The following LRRTM3 variants were observed in gnomAD, a reference collection of about 807,000 sequenced individuals.
LRRTM3 encodes the protein leucine rich repeat transmembrane neuronal 3, also known as leucine-rich repeat transmembrane neuronal protein 3.
Under a neutral mutation model 44.7 loss-of-function variants are expected in LRRTM3, and 24 were observed. That is an observed-to-expected ratio of 0.54 (90% CI 0.39 to 0.76). LRRTM3 has a LOEUF of 0.76. Among genes scored for constraint, LRRTM3 ranks in the 30% least tolerant of loss-of-function variants. LRRTM3 has a pLI of 0.00. For missense variants in LRRTM3, 587 were observed against 702.2 expected (o/e 0.84, Z 1.85); for synonymous variants, 277 against 278.7 (o/e 0.99, Z 0.06).
At chr10:67,052,313 A>ACTCT (rs3841706) in intron 2 of LRRTM3, among the ~76,000 whole-genome samples, 5,480 of 120,860 alleles carry the variant, frequency 0.045, 300 homozygotes, top group African/African-American at 0.13. Context: ...CCCACTCATC[A>ACTCT]CTCTCTCTCT....
At chr10:67,079,598 C>T (rs1388967482) in intron 2 of LRRTM3, among the ~76,000 whole-genome samples, 1 of 151,928 alleles carries the variant, frequency 6.6e-6, no homozygotes, top group African/African-American at 2.4e-5. Flanking sequence ...GCCTGTAATC[C>T]CAGCATGTTG....
At chr10:66,999,792 A>T (rs1337369090) in intron 2 of LRRTM3, among the ~76,000 whole-genome samples, 2 of 152,182 alleles carry the variant, frequency 1.3e-5, no homozygotes, top group Non-Finnish European at 2.9e-5. Context: ...TCACTGACAG[A>T]TTACTTGACC....
chr10:66,999,239 G>A (rs1241423772), intron 2 of LRRTM3, among the ~76,000 whole-genome samples: 2 of 151,882 alleles, frequency 1.3e-5, no homozygotes, highest in Non-Finnish European at 2.9e-5. Flanking sequence ...TGCATTAAAA[G>A]GTATCAGTTA....
At chr10:67,008,802 G>C (rs1328272930) in intron 2 of LRRTM3, among the ~76,000 whole-genome samples, 1 of 152,174 alleles carries the variant, frequency 6.6e-6, no homozygotes, top group Non-Finnish European at 1.5e-5. Flanking sequence ...GAAGGCCCCA[G>C]TGCATAAGAA....
chr10:66,950,955 T>C (rs1020031062), intron 2 of LRRTM3, among the ~76,000 whole-genome samples: 10 of 152,162 alleles, frequency 6.6e-5, no homozygotes, highest in African/African-American at 2.4e-4. Flanking sequence ...CTTGTCACTG[T>C]GCAGAAACTC....
At chr10:66,985,915 A>G (rs534580329) in intron 2 of LRRTM3, among the ~76,000 whole-genome samples, 1 of 152,066 alleles carries the variant, frequency 6.6e-6, no homozygotes, top group Admixed American at 6.5e-5. Context: ...TTTAGTAGAG[A>G]CAGGGTTTCA....
intron 2 of LRRTM3, among the ~76,000 whole-genome samples, chr10:67,017,072 T>C (rs980675440): frequency 3.3e-5 from 5 of 152,198 alleles, no homozygotes; most frequent in African/African-American, 1.2e-4. Flanking sequence ...TGGAATCTCA[T>C]GGAGCTCACA....
At chr10:67,056,809 G>C (rs1855459255) in intron 2 of LRRTM3, among the ~76,000 whole-genome samples, 1 of 152,150 alleles carries the variant, frequency 6.6e-6, no homozygotes, top group African/African-American at 2.4e-5. Flanking sequence ...TGAAACAAAA[G>C]ACAAAGTGTG....
At chr10:66,999,238 A>G in intron 2 of LRRTM3, among the ~76,000 whole-genome samples, 1 of 152,174 alleles carries the variant, frequency 6.6e-6, no homozygotes, top group Non-Finnish European at 1.5e-5. Flanking sequence ...ATGCATTAAA[A>G]GGTATCAGTT....
At chr10:66,998,531 A>C (rs1851491236) in intron 2 of LRRTM3, among the ~76,000 whole-genome samples, 1 of 152,186 alleles carries the variant, frequency 6.6e-6, no homozygotes, top group Non-Finnish European at 1.5e-5. Flanking sequence ...TGACACAGAA[A>C]AGTTGAAAAT....
intron 2 of LRRTM3, among the ~76,000 whole-genome samples, chr10:67,038,432 G>A (rs1394063909): frequency 6.6e-6 from 1 of 152,022 alleles, no homozygotes; most frequent in African/African-American, 2.4e-5. Flanking sequence ...ATAAGAAGAT[G>A]AAAATATATG....
chr10:67,070,316 T>C (rs971652498), intron 2 of LRRTM3, among the ~76,000 whole-genome samples: 1 of 152,196 alleles, frequency 6.6e-6, no homozygotes, highest in Admixed American at 6.5e-5. Context: ...GTCAGATGTG[T>C]GTATTAAGAA....
At position 66,984,846 on chromosome 10, in the gene LRRTM3, C is replaced by A. The variant is rs545789305; in HGVS notation, c.1536+56394C>A. ...AAACAGAATTAGGTAAAGACATGCC[C>A]CACAAAATACTGCCTTTTACTGACA... On this transcript the variant is annotated intron_variant, in intron 2 of 2. Transcript: ENST00000361320. Among the ~76,000 whole-genome samples, 27 of 152,212 alleles carry A rather than the reference C, an allele frequency of 1.8e-4. No homozygotes were observed. The South Asian group carries it at 5.0e-3, about 28-fold the overall frequency.
At chr10:67,075,944 C>T (rs996338303) in intron 2 of LRRTM3, among the ~76,000 whole-genome samples, 2 of 152,230 alleles carry the variant, frequency 1.3e-5, no homozygotes, top group African/African-American at 4.8e-5. Flanking sequence ...TACATCTGCA[C>T]ATGCAATTTC....
intron 2 of LRRTM3, among the ~76,000 whole-genome samples, chr10:67,055,821 A>C (rs1283630765): frequency 6.6e-6 from 1 of 152,104 alleles, no homozygotes. Flanking sequence ...TTTCCCCAAC[A>C]ACCTCCATAT....
chr10:67,041,404 A>G (rs530486028), intron 2 of LRRTM3, among the ~76,000 whole-genome samples: 1 of 152,292 alleles, frequency 6.6e-6, no homozygotes, highest in South Asian at 2.1e-4. Flanking sequence ...CTAAACATTC[A>G]TTAGTATTAA....
intron 2 of LRRTM3, among the ~76,000 whole-genome samples, chr10:66,983,620 G>T (rs1325955310): frequency 2.0e-5 from 3 of 152,106 alleles, no homozygotes; most frequent in Admixed American, 2.0e-4. Flanking sequence ...AATTGATAAG[G>T]AGATTATTCT....
chr10:66,954,853 T>C (rs1301901632), intron 2 of LRRTM3, among the ~76,000 whole-genome samples: 1 of 152,130 alleles, frequency 6.6e-6, no homozygotes, highest in Non-Finnish European at 1.5e-5. Flanking sequence ...GAGAAATTAC[T>C]GGACTAGACC....
chr10:66,989,243 T>C (rs1589556040), intron 2 of LRRTM3, among the ~76,000 whole-genome samples: 2 of 152,142 alleles, frequency 1.3e-5, no homozygotes, highest in Admixed American at 1.3e-4. Context: ...TAGGGGTCAA[T>C]ATTTAACTCT....
Sources: allele counts gnomAD v4.1 joint callset (sites outside exome capture counted in the v4.1 genomes callset), GRCh38; gene constraint gnomAD v4.1.1; transcripts MANE v1.5; gene names NCBI Gene and HGNC (gene_info 2026-07-23, HGNC 2026-07-21).